ADAMTS12: variants seen among roughly 807,000 people sequenced by gnomAD.
ADAMTS12 encodes ADAM metallopeptidase with thrombospondin type 1 motif 12.
A neutral mutation model predicts 167.8 loss-of-function variants in ADAMTS12; 118 were observed. The ratio of observed to expected loss-of-function variants is 0.70; its 90% CI spans 0.61 to 0.82. The LOEUF is 0.82. ADAMTS12 is among the 40% of genes least tolerant of loss of function. The probability of loss-of-function intolerance (pLI) is 0.00; values close to 1 mark genes in which losing one functional copy is unlikely to be tolerated. For synonymous variants in ADAMTS12, 704 were observed against 716.9 expected, an observed-to-expected ratio of 0.98 and a Z score of 0.29; for missense variants, 1,916 against 1,998.8, an observed-to-expected ratio of 0.96 and a Z score of 0.79.
chr5:33,661,114 T>C (rs1333721643), intron 6 of ADAMTS12, among the ~76,000 whole-genome samples: 1 of 152,214 alleles, frequency 6.6e-6, no homozygotes, highest in Non-Finnish European at 1.5e-5. Context: ...TCCTTTACTA[T>C]ACATACCTGG....
intron 5 of ADAMTS12, among the ~76,000 whole-genome samples, chr5:33,676,525 TAA>T (rs11326695): frequency 0.014 from 2,021 of 148,840 alleles, 49 homozygotes; most frequent in African/African-American, 0.047. Context: ...ACCCCATCTT[TAA>T]AAAAAAAATA....
chr5:33,546,334 A>G, intron 21 of ADAMTS12, 132 bp from the exon 22 acceptor site: 1 of 780,626 alleles, frequency 1.3e-6, no homozygotes, highest in Non-Finnish European at 1.8e-6. Flanking sequence ...ATTAGAATTT[A>G]TAGCATTCCT....
intron 2 of ADAMTS12, among the ~76,000 whole-genome samples, chr5:33,798,835 T>C (rs1044412918): frequency 2.6e-5 from 4 of 152,162 alleles, no homozygotes; most frequent in South Asian, 2.1e-4. Flanking sequence ...TCTCCAAATA[T>C]AGTCACATTG....
intron 2 of ADAMTS12, among the ~76,000 whole-genome samples, chr5:33,829,542 G>A (rs1464094282): frequency 6.6e-6 from 1 of 152,076 alleles, no homozygotes; most frequent in Non-Finnish European, 1.5e-5. Context: ...ATTCAGCCTG[G>A]AAGTTAAGAA....
At chr5:33,706,192 C>G (rs1010370625) in intron 3 of ADAMTS12, among the ~76,000 whole-genome samples, 1 of 152,046 alleles carries the variant, frequency 6.6e-6, no homozygotes. Flanking sequence ...TCCCTTCCCC[C>G]TTCATCTCAT....
intron 3 of ADAMTS12, among the ~76,000 whole-genome samples, chr5:33,748,170 A>C (rs964611113): frequency 2.0e-5 from 3 of 152,166 alleles, no homozygotes; most frequent in African/African-American, 7.2e-5. Flanking sequence ...TCTGGAACAA[A>C]AGTTCCCACA....
At chr5:33,860,425 T>A (rs543999028) in intron 2 of ADAMTS12, among the ~76,000 whole-genome samples, 3 of 152,036 alleles carry the variant, frequency 2.0e-5, no homozygotes, top group African/African-American at 7.2e-5. Context: ...AGATTGAAGA[T>A]CAACTTAATG....
chr5:33,636,593 A>G (rs897522255), intron 12 of ADAMTS12, among the ~76,000 whole-genome samples: 3 of 152,162 alleles, frequency 2.0e-5, no homozygotes, highest in Non-Finnish European at 4.4e-5. Context: ...TTCAAAAGCT[A>G]TTGCATAAGT....
At chr5:33,838,561 T>C (rs1183337403) in intron 2 of ADAMTS12, among the ~76,000 whole-genome samples, 1 of 152,124 alleles carries the variant, frequency 6.6e-6, no homozygotes, top group Non-Finnish European at 1.5e-5. Context: ...TGCATGCCTG[T>C]AGTCCCAGCT....
chr5:33,657,825 A>C (rs955137520), intron 7 of ADAMTS12, among the ~76,000 whole-genome samples: 4 of 152,208 alleles, frequency 2.6e-5, no homozygotes, highest in African/African-American at 9.6e-5. Flanking sequence ...ATGGCTTTTT[A>C]GTGATATTAA....
intron 2 of ADAMTS12, among the ~76,000 whole-genome samples, chr5:33,772,247 T>C (rs1474509463): frequency 1.3e-5 from 2 of 152,100 alleles, no homozygotes; most frequent in African/African-American, 4.8e-5. Flanking sequence ...CATAAGTAAT[T>C]CGTCCAGACC....
At chr5:33,554,747 G>A (rs1288416150) in intron 20 of ADAMTS12, among the ~76,000 whole-genome samples, 1 of 152,066 alleles carries the variant, frequency 6.6e-6, no homozygotes, top group Admixed American at 6.6e-5. Flanking sequence ...AAAAATTCAG[G>A]TCCATAAAAT....
At chr5:33,876,269 A>G (rs1333901121) in intron 2 of ADAMTS12, among the ~76,000 whole-genome samples, 6 of 152,206 alleles carry the variant, frequency 3.9e-5, no homozygotes, top group African/African-American at 1.4e-4. Flanking sequence ...AAATCCCAGC[A>G]AGATTTTGTA....
At chr5:33,879,419 C>T (rs896487180) in intron 2 of ADAMTS12, among the ~76,000 whole-genome samples, 12 of 152,052 alleles carry the variant, frequency 7.9e-5, no homozygotes, top group African/African-American at 2.9e-4. Context: ...CATAGAGGAC[C>T]AGGTGCCATA....
chr5:33,824,916 T>C (rs942686840), intron 2 of ADAMTS12, among the ~76,000 whole-genome samples: 3 of 152,096 alleles, frequency 2.0e-5, no homozygotes, highest in Admixed American at 6.6e-5. Context: ...ACTCTAACAC[T>C]GCAAAAGCCA....
chr5:33,740,097 A>ACTTGCCCAAGT (rs1744511383), intron 3 of ADAMTS12, among the ~76,000 whole-genome samples: 2 of 152,342 alleles, frequency 1.3e-5, no homozygotes, highest in South Asian at 4.1e-4. Flanking sequence ...GATTTATGTA[A>ACTTGCCCAAGT]CTTGCCCAAG....
chr5:33,626,359 ATGG>A lies in ADAMTS12; in HGVS notation c.2023-2011_2023-2009del, dbSNP rs1298974190. Among the ~76,000 whole-genome samples the A allele has an allele frequency of 3.0e-3, 407 of 135,660 alleles. 5 individuals carry two copies. The highest frequency in any genetic ancestry group is 0.011 in the African/African-American group (392 of 35,244). 89.0% of individuals were successfully genotyped at this position (135,660 alleles called of 152,430 possible). ...ATGTGGTAGTAGTGGTGGTGATGTGATGGTGGTGGTGGTGATGGGGGTGATGGT... is the reference window on the plus strand; with the variant it reads ...ATGTGGTAGTAGTGGTGGTGATGTGATGGTGGTGGTGATGGGGGTGATGGT... On this transcript the variant is annotated intron_variant, in intron 13 of 23. Transcript: ENST00000504830.
chr5:33,530,078 C>T (rs1443331177), intron 23 of ADAMTS12, among the ~76,000 whole-genome samples: 4 of 137,592 alleles, frequency 2.9e-5, no homozygotes, highest in Non-Finnish European at 6.1e-5. Context: ...TGCCACCATG[C>T]CCAGCTAATT....
At chr5:33,698,485 G>C (rs1006818655) in intron 3 of ADAMTS12, among the ~76,000 whole-genome samples, 2 of 152,036 alleles carry the variant, frequency 1.3e-5, no homozygotes, top group Admixed American at 1.3e-4. Context: ...AATGTCAAGG[G>C]GGAATGAGTG....
Sources: gnomAD v4.1 joint callset for allele counts (sites outside exome capture counted in the v4.1 genomes callset) on GRCh38, gnomAD v4.1.1 for gene constraint, MANE v1.5 for transcripts, NCBI Gene and HGNC (gene_info 2026-07-23, HGNC 2026-07-21) for gene names.